Variants in GRB14 observed in about 807,000 individuals in gnomAD.
GRB14 encodes the protein growth factor receptor-bound protein 14.
Under a neutral mutation model 69.1 loss-of-function variants are expected in GRB14, and 38 were observed. The ratio of observed to expected loss-of-function variants is 0.55; its 90% CI spans 0.42 to 0.72. The LOEUF is 0.72. Ranked by LOEUF, GRB14 falls within the 30% of genes least tolerant of loss-of-function variation. GRB14 has a pLI of 0.00. For synonymous variants in GRB14, 247 were observed against 241.3 expected (o/e 1.02, Z -0.22); for missense variants, 666 against 666.1 (o/e 1.00, Z 0.00).
At chr2:164,564,312 G>A (rs182994741) in intron 2 of GRB14, among the ~76,000 whole-genome samples, 1 of 152,346 alleles carries the variant, frequency 6.6e-6, no homozygotes, top group African/African-American at 2.4e-5. Context: ...TGAGGGCCAG[G>A]CAGGCCCTGG....
intron 2 of GRB14, chr2:164,568,496 A>G (rs1689041527): frequency 8.8e-7 from 1 of 1,132,254 alleles, no homozygotes; most frequent in South Asian, 1.9e-5. Flanking sequence ...GGAAAGTAAT[A>G]AATGTCACCC....
intron 2 of GRB14, among the ~76,000 whole-genome samples, chr2:164,563,975 GTAAT>G (rs1688899264): frequency 6.6e-6 from 1 of 152,086 alleles, no homozygotes; most frequent in Non-Finnish European, 1.5e-5. Flanking sequence ...TATTTAAAAG[GTAAT>G]AATAAAATTG....
intron 6 of GRB14, among the ~76,000 whole-genome samples, chr2:164,512,920 T>G (rs1687376864): frequency 6.6e-6 from 1 of 152,238 alleles, no homozygotes; most frequent in Non-Finnish European, 1.5e-5. Context: ...GATCACTATT[T>G]GTCTTCTAAG....
chr2:164,574,797 G>A (rs114659748), intron 2 of GRB14, among the ~76,000 whole-genome samples: 179 of 151,794 alleles, frequency 1.2e-3, no homozygotes, highest in African/African-American at 3.9e-3. Context: ...AAAAAAATAC[G>A]GCCAGGTGTG....
At chr2:164,574,366 C>T (rs928384446) in intron 2 of GRB14, among the ~76,000 whole-genome samples, 2 of 151,842 alleles carry the variant, frequency 1.3e-5, no homozygotes, top group East Asian at 1.9e-4. Flanking sequence ...CTCAGCCTCC[C>T]GAGTAGCTGG....
chr2:164,535,876 C>T (rs185631081), intron 3 of GRB14, among the ~76,000 whole-genome samples: 5 of 152,112 alleles, frequency 3.3e-5, no homozygotes, highest in Non-Finnish European at 5.9e-5. Context: ...CATTCTTCTG[C>T]GAGGGGAAAT....
chr2:164,498,480 C>G (rs187213760), intron 9 of GRB14, among the ~76,000 whole-genome samples: 2 of 152,152 alleles, frequency 1.3e-5, no homozygotes, highest in Admixed American at 1.3e-4. Flanking sequence ...AATCTCTAGT[C>G]AAGAATCCCA....
chr2:164,539,866 G>A (rs1329069738), intron 3 of GRB14: 1 of 152,254 alleles, frequency 6.6e-6, no homozygotes, highest in Non-Finnish European at 1.5e-5. Context: ...ATGACAGATA[G>A]GTGGGGATCA....
chr2:164,566,435 C>A (rs1025374740), intron 2 of GRB14, among the ~76,000 whole-genome samples: 3 of 152,042 alleles, frequency 2.0e-5, no homozygotes, highest in Non-Finnish European at 2.9e-5. Context: ...AAAAAAATAG[C>A]ATAGACTTGA....
intron 12 of GRB14, among the ~76,000 whole-genome samples, chr2:164,496,477 A>G (rs1428875250): frequency 6.6e-6 from 1 of 152,200 alleles, no homozygotes; most frequent in Non-Finnish European, 1.5e-5. Context: ...TACTCTTTTC[A>G]CGGATCTATA....
intron 2 of GRB14, among the ~76,000 whole-genome samples, chr2:164,571,844 G>A (rs550061437): frequency 2.8e-4 from 43 of 152,208 alleles, no homozygotes; most frequent in African/African-American, 9.9e-4. Flanking sequence ...TCTCTCCAAG[G>A]CACCCCACTA....
chr2:164,592,976 T>C (rs1314876163), intron 2 of GRB14, among the ~76,000 whole-genome samples: 3 of 152,228 alleles, frequency 2.0e-5, no homozygotes, highest in African/African-American at 7.2e-5. Flanking sequence ...GTTGCAAGTG[T>C]GCAAAAACCC....
At chr2:164,559,111 G>C (rs1436848214) in intron 2 of GRB14, among the ~76,000 whole-genome samples, 1 of 152,018 alleles carries the variant, frequency 6.6e-6, no homozygotes, top group Non-Finnish European at 1.5e-5. Context: ...AATATGCTAT[G>C]TTCAACCTTC....
At chr2:164,606,288 T>G (rs1690039431) in intron 2 of GRB14, among the ~76,000 whole-genome samples, 1 of 152,110 alleles carries the variant, frequency 6.6e-6, no homozygotes, top group South Asian at 2.1e-4. Flanking sequence ...CTTTTAGAAA[T>G]CATTTGCCAC....
chr2:164,582,265 T>C (rs920029829), intron 2 of GRB14, among the ~76,000 whole-genome samples: 2 of 152,130 alleles, frequency 1.3e-5, no homozygotes, highest in African/African-American at 4.8e-5. Context: ...ATACATCAAG[T>C]TGCATAAACC....
At chr2:164,587,939 T>C (rs1689575464) in intron 2 of GRB14, among the ~76,000 whole-genome samples, 1 of 151,680 alleles carries the variant, frequency 6.6e-6, no homozygotes, top group African/African-American at 2.4e-5. Flanking sequence ...AAAGGCAGTG[T>C]TTGCCATGAT....
Position 164,621,064 on chromosome 2 carries a change from C to G in GRB14, c.191+55G>C, listed in dbSNP as rs866829363. 1.9e-5 allele frequency: 24 copies of G among 1,236,224 alleles called. No homozygotes were observed. The highest frequency in any genetic ancestry group is 3.1e-4 in the Middle Eastern group (1 of 3,228). 76.6% of individuals were successfully genotyped at this position (1,236,224 alleles called of 1,614,324 possible). A position where few individuals can be genotyped will look rare whatever the true frequency, so the allele number is the denominator to read the frequency against. On this transcript the variant is annotated intron_variant, in intron 1 of 13. Coordinates refer to ENST00000263915, the MANE Select transcript of GRB14 (RefSeq NM_004490.3). This position sits in a 1 kb window ranked among gnomAD's most constrained non-coding sequence, Gnocchi z 6.0. The stretch of plus-strand genomic sequence containing the variant: ...TCACCCCCTAGGACCGCCTCCTCAC[C>G]CCCTCGCCGGCTGCCCAGCCAGGAC...
chr2:164,519,368 C>T (rs929048341), intron 6 of GRB14, among the ~76,000 whole-genome samples: 3 of 152,038 alleles, frequency 2.0e-5, no homozygotes, highest in African/African-American at 7.2e-5. Context: ...TTAAAGTAAT[C>T]GAAGCCATCT....
chr2:164,562,772 G>A (rs1172702256), intron 2 of GRB14, among the ~76,000 whole-genome samples: 1 of 152,174 alleles, frequency 6.6e-6, no homozygotes, highest in Non-Finnish European at 1.5e-5. Flanking sequence ...TTCTCAGAGG[G>A]TTTTGAAAGA....
Sources: gnomAD v4.1 joint callset for allele counts (sites outside exome capture counted in the v4.1 genomes callset) on GRCh38, gnomAD v4.1.1 for gene constraint, Gnocchi (gnomAD v3.1) non-coding constraint, MANE v1.5 for transcripts, NCBI Gene and HGNC (gene_info 2026-07-23, HGNC 2026-07-21) for gene names.